Variants in SLC6A15 observed in about 807,000 individuals in gnomAD.
SLC6A15 encodes the protein solute carrier family 6 member 15.
In SLC6A15, 33 loss-of-function variants were observed where a neutral mutation model predicts 68.5. The ratio of observed to expected loss-of-function variants is 0.48; its 90% CI spans 0.37 to 0.64. SLC6A15 has a LOEUF of 0.64. Ranked by LOEUF, SLC6A15 falls within the 30% of genes least tolerant of loss-of-function variation. The probability of loss-of-function intolerance (pLI) is 0.00; values close to 1 mark genes in which losing one functional copy is unlikely to be tolerated. For synonymous variants in SLC6A15, 347 were observed against 301.0 expected (o/e 1.15, Z -1.58); for missense variants, 747 against 874.3 (o/e 0.85, Z 1.84).
intron 1 of SLC6A15, among the ~76,000 whole-genome samples, chr12:84,909,552 T>C (rs1873340482): frequency 6.6e-6 from 1 of 152,232 alleles, no homozygotes; most frequent in African/African-American, 2.4e-5. Flanking sequence ...TGATTCCTGC[T>C]ATGTAACCTT....
At position 84,861,381 on chromosome 12, in the gene SLC6A15, T is replaced by TA. The variant is rs1036075018; in HGVS notation, c.*250dup. The TA allele has an allele frequency of 4.4e-4, 158 of 356,398 alleles. No homozygotes were observed. Among genetic ancestry groups the TA allele is most frequent in the East Asian group, 6.2e-4 (15 of 24,084 alleles). The allele number at this position is 356,398 out of a possible 1,614,324, so 22.1% of individuals were successfully genotyped here. A position where few individuals can be genotyped will look rare whatever the true frequency, so the allele number is the denominator to read the frequency against. ...TATTTGAAAATACACCAAAGGTACT[T>TA]AAAAAAAAATCCTGGCAAACATGTA... On this transcript the variant is annotated 3_prime_UTR_variant, in exon 12 of 12. Transcript: ENST00000266682.
At chr12:84,864,819 G>A (rs1181700531) in intron 10 of SLC6A15, among the ~76,000 whole-genome samples, 1 of 151,930 alleles carries the variant, frequency 6.6e-6, no homozygotes, top group Non-Finnish European at 1.5e-5. Flanking sequence ...TTCATTTTTG[G>A]TGTTTTCCAA....
chr12:84,872,881 A>G (rs771259476), intron 7 of SLC6A15, 87 bp from the exon 8 acceptor site: 1 of 1,222,294 alleles, frequency 8.2e-7, no homozygotes. Context: ...AAGCTAATGA[A>G]TGAGCAATGT....
rs377190419 is a variant in SLC6A15, at chr12:84,861,693, C to T, written c.2132G>A (p.Arg711Gln). ...TGCCATCAAGTACCCTATTCCATAC[C>T]GTCCATTGGGAGCAGTATCCAGAGT... ...SPTLDTAPNG[R>Q]YGIGYLMADI... The change falls in exon 12 of 12, where the codon CGG (arginine) becomes CAG (glutamine). Residue 711 changes from arginine to glutamine, a missense_variant. Transcript: ENST00000266682. 6.8e-6 allele frequency: 11 copies of T among 1,613,690 alleles called. No homozygotes were observed. In the Middle Eastern group the frequency reaches 4.9e-4, roughly 72 times the overall value.
chr12:84,888,582 T>G (rs1872228759), intron 2 of SLC6A15, among the ~76,000 whole-genome samples: 1 of 152,108 alleles, frequency 6.6e-6, no homozygotes, highest in South Asian at 2.1e-4. Context: ...AGGCATACAG[T>G]ATGATGTAAT....
intron 10 of SLC6A15, among the ~76,000 whole-genome samples, chr12:84,864,415 G>A (rs900625701): frequency 6.6e-6 from 1 of 150,652 alleles, no homozygotes; most frequent in African/African-American, 2.4e-5. Flanking sequence ...ATCTTCCCAG[G>A]TTCAAGCAAT....
chr12:84,875,314 C>G (rs1871469268), intron 6 of SLC6A15, among the ~76,000 whole-genome samples: 2 of 151,898 alleles, frequency 1.3e-5, no homozygotes, highest in Non-Finnish European at 2.9e-5. Context: ...CAGAGAAGTT[C>G]CAAGAACTCT....
At chr12:84,897,691 C>G (rs1334333887) in intron 1 of SLC6A15, among the ~76,000 whole-genome samples, 2 of 151,922 alleles carry the variant, frequency 1.3e-5, no homozygotes, top group African/African-American at 4.8e-5. Flanking sequence ...ATTTTATACC[C>G]AATTAATTTG....
intron 2 of SLC6A15, among the ~76,000 whole-genome samples, chr12:84,887,605 G>A (rs1872174943): frequency 6.6e-6 from 1 of 152,084 alleles, no homozygotes; most frequent in African/African-American, 2.4e-5. Flanking sequence ...TAACATTCAG[G>A]AACTGCTGAC....
intron 5 of SLC6A15, 111 bp from the exon 6 acceptor site, chr12:84,876,718 TA>T: frequency 1.9e-6 from 1 of 525,946 alleles, no homozygotes; most frequent in South Asian, 3.4e-5. Flanking sequence ...ATGACAGGAT[TA>T]ATAAAACTAT....
chr12:84,887,744 T>C (rs982240371), intron 2 of SLC6A15, among the ~76,000 whole-genome samples: 15 of 152,232 alleles, frequency 9.9e-5, no homozygotes, highest in Middle Eastern at 3.4e-3. Context: ...ATGACTGAAC[T>C]CATTAGGGAT....
At chr12:84,873,366 T>C in intron 6 of SLC6A15, 38 bp from the exon 7 acceptor site, 1 of 1,599,418 alleles carries the variant, frequency 6.3e-7, no homozygotes, top group Admixed American at 1.7e-5. Flanking sequence ...AGCTACAAAA[T>C]AATGTTTCAG....
chr12:84,863,588 G>T lies in SLC6A15; in HGVS notation c.1669C>A (p.Leu557Ile). 1.3e-6 allele frequency: 2 copies of T among 1,547,870 alleles called. No homozygotes were observed. Among genetic ancestry groups the T allele is most frequent in the Admixed American group, 2.3e-5 (1 of 44,074 alleles). Residue 557 changes from leucine (L) to isoleucine (I), a missense_variant, in exon 11 of 12, where the codon CTA (leucine) becomes ATA (isoleucine). Coordinates refer to ENST00000266682, the MANE Select transcript of SLC6A15 (RefSeq NM_182767.6). ...GGAGCAAAGCCCAGCATATCTTTTA[G>T]GTCTTCCATAAACCTGAATAAAAAG... ...VYGIDKFMED[L>I]KDMLGFAPSR...
intron 10 of SLC6A15, among the ~76,000 whole-genome samples, chr12:84,866,646 G>A (rs1411313720): frequency 1.3e-5 from 2 of 152,110 alleles, no homozygotes; most frequent in East Asian, 3.9e-4. Flanking sequence ...CTGTCCAGGT[G>A]GGTGACAGGC....
At position 84,861,589 on chromosome 12, in the gene SLC6A15, T is replaced by G; in HGVS notation, c.*43A>C. 6.5e-7 allele frequency: 1 copy of G among 1,546,176 alleles called. No homozygotes were observed. Among genetic ancestry groups the G allele is most frequent in the Non-Finnish European group, 8.7e-7 (1 of 1,145,360 alleles). On this transcript the variant is annotated 3_prime_UTR_variant, in exon 12 of 12. Coordinates refer to ENST00000266682, the MANE Select transcript of SLC6A15 (RefSeq NM_182767.6). Reference sequence around the variant, plus strand: ...TTCTCCTACTAGGGCCAATGTTCATTGGTAAAAATGAACCAAATAAAACCC... The same window carrying G: ...TTCTCCTACTAGGGCCAATGTTCATGGGTAAAAATGAACCAAATAAAACCC...
At chr12:84,884,413 CT>C (rs1205778342) in intron 4 of SLC6A15, among the ~76,000 whole-genome samples, 1 of 151,992 alleles carries the variant, frequency 6.6e-6, no homozygotes, top group Admixed American at 6.6e-5. Flanking sequence ...TCAAGTGATT[CT>C]CCTGCCTCAG....
intron 1 of SLC6A15, among the ~76,000 whole-genome samples, chr12:84,893,929 A>C (rs1051439641): frequency 6.6e-6 from 1 of 152,166 alleles, no homozygotes; most frequent in Non-Finnish European, 1.5e-5. Context: ...AGTGATAGAC[A>C]CATCTCCAGA....
chr12:84,887,884 A>AGCCCACTCCTAGATATCT (rs1444891088), intron 2 of SLC6A15, among the ~76,000 whole-genome samples: 1 of 152,018 alleles, frequency 6.6e-6, no homozygotes, highest in Non-Finnish European at 1.5e-5. Flanking sequence ...CAATCCAGCA[A>AGCCCACTCCTAGATATCT]GCCCACTCCT....
At chr12:84,875,252 C>T (rs1871467326) in intron 6 of SLC6A15, among the ~76,000 whole-genome samples, 1 of 151,706 alleles carries the variant, frequency 6.6e-6, no homozygotes, top group Admixed American at 6.6e-5. Flanking sequence ...CCATTTGTAG[C>T]AGATTTAAAT....
Sources: gnomAD v4.1 joint callset for allele counts (sites outside exome capture counted in the v4.1 genomes callset) on GRCh38, gnomAD v4.1.1 for gene constraint, MANE v1.5 for transcripts, NCBI Gene and HGNC (gene_info 2026-07-23, HGNC 2026-07-21) for gene names.